RNF4: variants seen among roughly 807,000 people sequenced by gnomAD.
The protein encoded by RNF4 is ring finger protein 4.
A neutral mutation model predicts 24.3 loss-of-function variants in RNF4; 7 were observed. The observed-to-expected ratio is 0.29, with a 90% CI of 0.16 to 0.54. The LOEUF (loss-of-function observed/expected upper bound fraction) is 0.54. RNF4 is among the 20% of genes least tolerant of loss of function. RNF4 has a pLI of 0.95. For synonymous variants in RNF4, 83 were observed against 84.3 expected (o/e 0.98, Z 0.09); for missense variants, 209 against 248.5 (o/e 0.84, Z 1.07).
At position 2,513,790 on chromosome 4, in the gene RNF4, C is replaced by T. The variant is rs1256736538; in HGVS notation, c.544C>T (p.His182Tyr). 6 of 1,613,964 alleles carry T rather than the reference C, an allele frequency of 3.7e-6. No homozygotes were observed. Among genetic ancestry groups the T allele is most frequent in the Admixed American group, 1.7e-5 (1 of 60,026 alleles). ...TCPTCRKKIN[H>Y]KRYHPIYI ...CCCAACTTGTAGGAAAAAGATCAACCACAAACGGTACCACCCCATTTATAT... is the reference window on the plus strand; with the variant it reads ...CCCAACTTGTAGGAAAAAGATCAACTACAAACGGTACCACCCCATTTATAT... The change falls in exon 8 of 8, where the codon CAC becomes TAC. Residue 182 changes from histidine to tyrosine, a missense_variant. Physicochemically the swap from His to Tyr is moderately conservative, Grantham distance 83 (BLOSUM62 2). Around this residue, in one of 3 missense-constraint regions of RNF4, gnomAD observed 17 missense variants for 16.2 expected, o/e 1.05. Transcript: ENST00000314289.
Position 2,515,598 on chromosome 4 carries a change from A to G in RNF4, c.*1779A>G, listed in dbSNP as rs946992905. On this transcript the variant is annotated 3_prime_UTR_variant, in exon 8 of 8. Transcript: ENST00000314289. ...AATTTAAGTTTTGTCCTTAAAGACA[A>G]CTTCAGTGGTTAATTATAAAAGTTG... 6.6e-6 allele frequency: 1 copy of G among 152,448 alleles called. No homozygotes were observed. Among genetic ancestry groups the G allele is most frequent in the Non-Finnish European group, 1.5e-5 (1 of 68,048 alleles). The allele number at this position is 152,448 out of a possible 1,614,324, so 9.4% of individuals were successfully genotyped here. A position where few individuals can be genotyped will look rare whatever the true frequency, so the allele number is the denominator to read the frequency against.
intron 3 of RNF4, 53 bp downstream of exon 3, chr4:2,497,174 A>G (rs1735763308): frequency 7.2e-7 from 1 of 1,390,662 alleles, no homozygotes; most frequent in Non-Finnish European, 1.0e-6. Flanking sequence ...GAGAGAGAAC[A>G]CTGTACCAGG....
rs780192804 is a variant in RNF4 at position 2,500,751 on chromosome 4, G to A, written c.204+13G>A. 4 of 1,613,382 alleles carry A rather than the reference G, an allele frequency of 2.5e-6. No individual in the cohort carries two copies. Among genetic ancestry groups the A allele is most frequent in the Non-Finnish European group, 3.4e-6 (4 of 1,179,540 alleles). On this transcript the variant is annotated intron_variant, in intron 4 of 7. Transcript: ENST00000314289. ...TGACTCTGTTGTGGTAAGTGTTGGA[G>A]TGTGAGAGTCGGCTGTTTCTTGGGT...
chr4:2,487,956 G>A (rs1346522410), intron 1 of RNF4, among the ~76,000 whole-genome samples: 2 of 152,124 alleles, frequency 1.3e-5, no homozygotes, highest in Non-Finnish European at 2.9e-5. Flanking sequence ...CGGTCCCTTT[G>A]GGCATCTCCT....
At chr4:2,489,213 A>G (rs561060051) in intron 1 of RNF4, among the ~76,000 whole-genome samples, 8 of 152,296 alleles carry the variant, frequency 5.3e-5, no homozygotes, top group Admixed American at 5.2e-4. Flanking sequence ...AGGCCTTGAT[A>G]AGGAGCCAGG....
intron 1 of RNF4, among the ~76,000 whole-genome samples, chr4:2,482,007 G>A (rs537545157): frequency 1.3e-5 from 2 of 152,330 alleles, no homozygotes; most frequent in South Asian, 4.1e-4. Flanking sequence ...TCTGGGTGCT[G>A]GATTTCTCCA....
chr4:2,511,882 G>T, intron 4 of RNF4, 74 bp from the exon 5 acceptor site: 1 of 1,489,608 alleles, frequency 6.7e-7, no homozygotes, highest in Non-Finnish European at 9.2e-7. Context: ...TCAGAAAAAA[G>T]AAATGGCTTC....
At chr4:2,504,630 A>C (rs1189806235) in intron 4 of RNF4, among the ~76,000 whole-genome samples, 2 of 148,318 alleles carry the variant, frequency 1.3e-5, no homozygotes, top group Non-Finnish European at 3.0e-5. Context: ...GGCTCACTGT[A>C]AGCTCTGCCT....
At chr4:2,491,531 C>T (rs947792767) in intron 2 of RNF4, among the ~76,000 whole-genome samples, 1 of 152,094 alleles carries the variant, frequency 6.6e-6, no homozygotes, top group Non-Finnish European at 1.5e-5. Flanking sequence ...CAACCTCCGC[C>T]TCCCAGGTTC....
intron 4 of RNF4, among the ~76,000 whole-genome samples, chr4:2,506,776 C>T (rs893139577): frequency 5.3e-5 from 8 of 152,012 alleles, no homozygotes; most frequent in Admixed American, 1.3e-4. Flanking sequence ...TACCGTATTG[C>T]CCAGGGTGGT....
chr4:2,484,396 C>G (rs532510810), intron 1 of RNF4, among the ~76,000 whole-genome samples: 4 of 152,036 alleles, frequency 2.6e-5, no homozygotes, highest in Non-Finnish European at 4.4e-5. Context: ...CTTCCTGTTT[C>G]CTGCCCGCCT....
In RNF4 at chr4:2,503,471, C is replaced by T. The variant is rs193302621; in HGVS notation, c.204+2733C>T. 1.2e-3 allele frequency among the ~76,000 whole-genome samples: 185 copies of T among 152,286 alleles called. 3 individuals are homozygous for T. The highest frequency in any genetic ancestry group is 2.2e-4 in the Non-Finnish European group (15 of 68,022). On this transcript the variant is annotated intron_variant, in intron 4 of 7. Transcript: ENST00000314289. ...AAGCAGGAGTCCTAGGTTCTGGTCT[C>T]TCAGATCTACTGGTCAGTTTGATCA...
At chr4:2,494,917 T>C (rs551428243) in intron 2 of RNF4, among the ~76,000 whole-genome samples, 1 of 152,338 alleles carries the variant, frequency 6.6e-6, no homozygotes, top group South Asian at 2.1e-4. Context: ...AGAATGTTAG[T>C]ACAGGTCTTT....
At chr4:2,484,567 C>T (rs1429790801) in intron 1 of RNF4, among the ~76,000 whole-genome samples, 4 of 151,710 alleles carry the variant, frequency 2.6e-5, no homozygotes, top group East Asian at 3.9e-4. Flanking sequence ...ATCTGCACAT[C>T]GTATACATAT....
At chr4:2,492,689 G>A (rs1735617303) in intron 2 of RNF4, among the ~76,000 whole-genome samples, 1 of 152,058 alleles carries the variant, frequency 6.6e-6, no homozygotes, top group South Asian at 2.1e-4. Flanking sequence ...GAGCCTTTTG[G>A]GTCCTCACCC....
intron 1 of RNF4, among the ~76,000 whole-genome samples, chr4:2,475,425 G>T (rs1197758084): frequency 6.6e-6 from 1 of 151,962 alleles, no homozygotes; most frequent in East Asian, 1.9e-4. Context: ...TGCAAGCTCC[G>T]CCTCCCAGGT....
intron 1 of RNF4, among the ~76,000 whole-genome samples, chr4:2,484,840 C>G (rs1473130328): frequency 6.6e-6 from 1 of 152,168 alleles, no homozygotes; most frequent in African/African-American, 2.4e-5. Context: ...CCTGAGTCTC[C>G]TCCTTGGTCT....
chr4:2,499,274 T>A (rs1295906850), intron 3 of RNF4: 7 of 451,200 alleles, frequency 1.6e-5, no homozygotes, highest in Admixed American at 1.4e-4. Flanking sequence ...AAACTTCATT[T>A]AGTGTTTTGT....
chr4:2,490,701 A>T, intron 2 of RNF4, 199 bp downstream of exon 2: 3 of 532,232 alleles, frequency 5.6e-6, no homozygotes, highest in Admixed American at 6.5e-5. Context: ...CATAAAGGGC[A>T]GAGCCCTGAA....
Sources: gnomAD v4.1 joint callset for allele counts (sites outside exome capture counted in the v4.1 genomes callset) on GRCh38, gnomAD v4.1.1 for gene constraint, gnomAD v4.1.1 regional missense constraint, MANE v1.5 for transcripts, NCBI Gene and HGNC (gene_info 2026-07-23, HGNC 2026-07-21) for gene names.